DNM3: variants seen among roughly 807,000 people sequenced by gnomAD.
DNM3 encodes dynamin-3.
A neutral mutation model predicts 101.6 loss-of-function variants in DNM3; 47 were observed. The observed-to-expected ratio is 0.46, with a 90% CI of 0.37 to 0.59. The LOEUF (loss-of-function observed/expected upper bound fraction) is 0.59, where lower values mean the gene tolerates loss of function less well. DNM3 is among the 20% of genes least tolerant of loss of function. The probability of loss-of-function intolerance (pLI) is 0.00; values close to 1 mark genes in which losing one functional copy is unlikely to be tolerated. For missense variants in DNM3, 849 were observed against 1,085.7 expected, an observed-to-expected ratio of 0.78 and a Z score of 3.06; for synonymous variants, 385 against 387.9, an observed-to-expected ratio of 0.99 and a Z score of 0.09.
At chr1:171,942,085 A>G (rs1251537718) in intron 2 of DNM3, among the ~76,000 whole-genome samples, 1 of 152,068 alleles carries the variant, frequency 6.6e-6, no homozygotes, top group Non-Finnish European at 1.5e-5. Flanking sequence ...TAAATGATTC[A>G]CAAGACTAGT....
chr1:172,254,222 A>G (rs941913673), intron 15 of DNM3, among the ~76,000 whole-genome samples: 5 of 152,150 alleles, frequency 3.3e-5, no homozygotes, highest in Non-Finnish European at 7.4e-5. Context: ...CACTGCACCC[A>G]GTCTGTCTGT....
intron 17 of DNM3, chr1:172,370,228 T>C (rs998523392): frequency 1.3e-5 from 2 of 151,944 alleles, no homozygotes; most frequent in African/African-American, 2.4e-5. Flanking sequence ...AAAATATGGC[T>C]ACTAGAAATG....
At chr1:171,921,117 CT>C (rs71299441) in intron 1 of DNM3, among the ~76,000 whole-genome samples, 42 of 142,378 alleles carry the variant, frequency 2.9e-4, no homozygotes, top group Non-Finnish European at 2.5e-4. Context: ...TTTTTTTTTT[CT>C]TTTTTTTTTT....
intron 14 of DNM3, among the ~76,000 whole-genome samples, chr1:172,235,987 A>C (rs986834712): frequency 6.6e-6 from 1 of 152,218 alleles, no homozygotes; most frequent in Non-Finnish European, 1.5e-5. Context: ...CTAAAACTTA[A>C]AGTATAAAAA....
chr1:171,958,688 G>T (rs2043018940), intron 2 of DNM3, among the ~76,000 whole-genome samples: 1 of 152,168 alleles, frequency 6.6e-6, no homozygotes, highest in Non-Finnish European at 1.5e-5. Context: ...TGTGACTGTG[G>T]AGTAAGCTGT....
chr1:172,081,963 T>G, intron 12 of DNM3, 61 bp downstream of exon 12: 1 of 1,525,846 alleles, frequency 6.6e-7, no homozygotes, highest in Non-Finnish European at 9.1e-7. Flanking sequence ...AAACACACAT[T>G]GTGAATTTTT....
intron 1 of DNM3, among the ~76,000 whole-genome samples, chr1:171,860,820 GA>G (rs34138937): frequency 0.75 from 113,770 of 151,472 alleles, 43,380 homozygotes; most frequent in African/African-American, 0.91. Flanking sequence ...AGGGAAGAAT[GA>G]AAAAACGACT....
intron 14 of DNM3, among the ~76,000 whole-genome samples, chr1:172,222,725 G>T (rs571379166): frequency 6.6e-6 from 1 of 152,038 alleles, no homozygotes; most frequent in South Asian, 2.1e-4. Context: ...TGGCGCCAAA[G>T]AACCAACATA....
chr1:172,163,023 C>T (rs922744716), intron 14 of DNM3, among the ~76,000 whole-genome samples: 2 of 152,008 alleles, frequency 1.3e-5, no homozygotes, highest in African/African-American at 4.8e-5. Flanking sequence ...TTTCTTACAG[C>T]TTTACTGAAG....
At chr1:172,267,799 G>A (rs560430338) in intron 15 of DNM3, among the ~76,000 whole-genome samples, 20 of 151,790 alleles carry the variant, frequency 1.3e-4, no homozygotes, top group Non-Finnish European at 2.8e-4. Flanking sequence ...TGCAAGCTCC[G>A]CCTCCCGGGT....
chr1:172,051,086 C>CA lies in DNM3; in HGVS notation c.1335+2340dup, dbSNP rs1401716912. ...TTTTATAGTTTGCCTTAGTTAAACA[C>CA]AAAATCTAGCTTTTCCCCTGAGGTT... On this transcript the variant is annotated intron_variant, in intron 10 of 20. Transcript: ENST00000627582. Among the ~76,000 whole-genome samples the CA allele has an allele frequency of 7.9e-5, 12 of 152,306 alleles. No individual in the cohort carries two copies. The South Asian group carries it at 1.4e-3, about 18-fold the overall frequency.
At chr1:172,399,838 G>A (rs2070327473) in intron 20 of DNM3, 1 of 151,440 alleles carries the variant, frequency 6.6e-6, no homozygotes, top group Admixed American at 6.6e-5. Context: ...CATCAGGTAT[G>A]AAGGTCAGGC....
chr1:172,323,470 G>T, intron 17 of DNM3, 130 bp downstream of exon 17: 3 of 1,133,260 alleles, frequency 2.6e-6, no homozygotes, highest in Non-Finnish European at 3.7e-6. Flanking sequence ...ATTATATGGG[G>T]TGTGCAAATT....
chr1:172,345,729 A>C (rs1258966242), intron 17 of DNM3, among the ~76,000 whole-genome samples: 1 of 152,158 alleles, frequency 6.6e-6, no homozygotes, highest in African/African-American at 2.4e-5. Flanking sequence ...TCTGGGCATG[A>C]AATAGTCCCT....
At chr1:172,288,385 T>C (rs1431380234) in intron 15 of DNM3, among the ~76,000 whole-genome samples, 1 of 152,188 alleles carries the variant, frequency 6.6e-6, no homozygotes, top group African/African-American at 2.4e-5. Context: ...TTCATGGAAC[T>C]GATAGCTGGA....
intron 2 of DNM3, among the ~76,000 whole-genome samples, chr1:171,957,196 T>C (rs572097842): frequency 1.4e-5 from 2 of 143,512 alleles, no homozygotes; most frequent in African/African-American, 4.9e-5. Flanking sequence ...TCTTTCTTTC[T>C]TTCTTTTTTT....
chr1:171,970,244 A>T (rs969539969), intron 2 of DNM3: 1 of 522,398 alleles, frequency 1.9e-6, no homozygotes, highest in African/African-American at 2.1e-5. Context: ...AGAATAATAA[A>T]GGTAAGACAA....
In DNM3 at chr1:171,925,089, C is replaced by T. The variant is rs566003897; in HGVS notation, c.235+3268C>T. On this transcript the variant is annotated intron_variant, in intron 2 of 20. Coordinates refer to ENST00000627582, the MANE Select transcript of DNM3 (RefSeq NM_015569.5). ...TAATTTTTTGTATTTTTAGTAGAGA[C>T]GGGGTTTCACCATGTTGGCCAGGCT... Among the ~76,000 whole-genome samples, 80 of 149,826 alleles carry T rather than the reference C, an allele frequency of 5.3e-4. 2 individuals are homozygous for T. In the South Asian group the frequency reaches 0.012, roughly 23 times the overall value.
chr1:171,876,269 G>T (rs778576392), intron 1 of DNM3, among the ~76,000 whole-genome samples: 6 of 152,094 alleles, frequency 3.9e-5, no homozygotes, highest in Non-Finnish European at 8.8e-5. Context: ...CATTGAAGTG[G>T]AATATAGGAT....
Sources: gnomAD v4.1 joint callset for allele counts (sites outside exome capture counted in the v4.1 genomes callset) on GRCh38, gnomAD v4.1.1 for gene constraint, MANE v1.5 for transcripts, NCBI Gene and HGNC (gene_info 2026-07-23, HGNC 2026-07-21) for gene names.